Variants in IQCM observed in about 807,000 individuals in gnomAD.
The protein encoded by IQCM is IQ motif containing M.
In IQCM, 45 loss-of-function variants were observed where a neutral mutation model predicts 57.6. The ratio of observed to expected loss-of-function variants is 0.78; its 90% CI spans 0.62 to 1.00. IQCM has a LOEUF of 1.00. Among genes scored for constraint, IQCM ranks in the 50% least tolerant of loss-of-function variants. IQCM has a pLI of 0.00. For synonymous variants in IQCM, 148 were observed against 158.9 expected, an observed-to-expected ratio of 0.93 and a Z score of 0.51; for missense variants, 468 against 511.6, an observed-to-expected ratio of 0.91 and a Z score of 0.82.
intron 13 of IQCM, among the ~76,000 whole-genome samples, chr4:149,428,738 C>A (rs1490028903): frequency 6.6e-6 from 1 of 151,638 alleles, no homozygotes; most frequent in Non-Finnish European, 1.5e-5. Flanking sequence ...GTGAAGCAAA[C>A]TGAATTGCGT....
chr4:149,733,531 T>C (rs1014660431), intron 4 of IQCM, 23 bp from the exon 5 acceptor site: 2 of 1,187,816 alleles, frequency 1.7e-6, no homozygotes, highest in Non-Finnish European at 2.1e-6. Context: ...CAAAAATAGA[T>C]TTTGGCAAAA....
intron 8 of IQCM, among the ~76,000 whole-genome samples, 168 bp downstream of exon 8, chr4:149,620,961 A>G (rs1756281204): frequency 2.0e-5 from 3 of 152,224 alleles, no homozygotes; most frequent in Admixed American, 1.3e-4. Flanking sequence ...CACAAGACAC[A>G]AGAACAAAAC....
chr4:149,542,835 T>C (rs1398900539), intron 12 of IQCM, among the ~76,000 whole-genome samples: 1 of 152,136 alleles, frequency 6.6e-6, no homozygotes, highest in Non-Finnish European at 1.5e-5. Flanking sequence ...AATTATTTCA[T>C]TTAAGCCTCA....
chr4:149,575,888 G>C (rs1751600337), intron 9 of IQCM, among the ~76,000 whole-genome samples: 1 of 151,748 alleles, frequency 6.6e-6, no homozygotes, highest in Non-Finnish European at 1.5e-5. Context: ...TCTAAGGAAA[G>C]AGGGGTCTTA....
chr4:149,795,641 A>C (rs1442952959), intron 2 of IQCM, among the ~76,000 whole-genome samples: 5 of 152,174 alleles, frequency 3.3e-5, no homozygotes, highest in Non-Finnish European at 7.4e-5. Context: ...CAGGCTGCAG[A>C]GCTCCTACCT....
At chr4:149,419,998 G>A (rs923054729) in intron 13 of IQCM, among the ~76,000 whole-genome samples, 4 of 152,126 alleles carry the variant, frequency 2.6e-5, no homozygotes, top group Non-Finnish European at 5.9e-5. Flanking sequence ...ATCAACAGAT[G>A]CTGGTGAGGT....
chr4:149,603,595 C>T (rs946687289), intron 8 of IQCM, among the ~76,000 whole-genome samples: 8 of 151,830 alleles, frequency 5.3e-5, no homozygotes, highest in African/African-American at 1.9e-4. Context: ...CATGCCTTGC[C>T]TGTGGTAGAA....
intron 7 of IQCM, among the ~76,000 whole-genome samples, chr4:149,621,516 T>C (rs1487345443): frequency 6.6e-6 from 1 of 152,198 alleles, no homozygotes; most frequent in Non-Finnish European, 1.5e-5. Context: ...GTTCATTCTC[T>C]TTACTATCTC....
intron 12 of IQCM, among the ~76,000 whole-genome samples, chr4:149,502,676 A>T (rs1446297862): frequency 6.6e-6 from 1 of 151,998 alleles, no homozygotes; most frequent in African/African-American, 2.4e-5. Context: ...CCTCTCTCAA[A>T]AACCAAGCCA....
At chr4:149,594,007 G>C (rs970100856) in intron 8 of IQCM, among the ~76,000 whole-genome samples, 4 of 152,090 alleles carry the variant, frequency 2.6e-5, no homozygotes, top group Non-Finnish European at 5.9e-5. Flanking sequence ...TTTTTCTATT[G>C]ATTGGAATCG....
intron 2 of IQCM, among the ~76,000 whole-genome samples, chr4:149,746,840 C>T (rs753621555): frequency 9.5e-4 from 145 of 152,260 alleles, no homozygotes; most frequent in Non-Finnish European, 1.3e-3. Context: ...TTCGTGCCTC[C>T]CTCCTGACCT....
chr4:149,524,759 T>C (rs1240032406), intron 12 of IQCM, among the ~76,000 whole-genome samples: 2 of 151,784 alleles, frequency 1.3e-5, no homozygotes, highest in Non-Finnish European at 2.9e-5. Flanking sequence ...TTTGCAAGCT[T>C]TCAAAGGAAG....
chr4:149,780,554 A>AT (rs34380182), intron 2 of IQCM, among the ~76,000 whole-genome samples: 30 of 140,074 alleles, frequency 2.1e-4, no homozygotes, highest in African/African-American at 7.1e-4. Flanking sequence ...TATAAAACAT[A>AT]TTTTTTTCCA....
chr4:149,694,530 T>G (rs1580023185), intron 5 of IQCM, among the ~76,000 whole-genome samples: 2 of 151,604 alleles, frequency 1.3e-5, no homozygotes, highest in East Asian at 3.9e-4. Flanking sequence ...GAATCCCTAT[T>G]TCTCCCCCTC....
At chr4:149,471,806 T>G (rs970520762) in intron 12 of IQCM, among the ~76,000 whole-genome samples, 1 of 152,092 alleles carries the variant, frequency 6.6e-6, no homozygotes, top group Non-Finnish European at 1.5e-5. Flanking sequence ...GGGTTGCAAG[T>G]CTGGTGCAAA....
At chr4:149,690,924 C>T (rs1762898562) in intron 5 of IQCM, 1 of 152,126 alleles carries the variant, frequency 6.6e-6, no homozygotes, top group African/African-American at 2.4e-5. Context: ...GTGCTCTACA[C>T]TGCCCCCTGG....
intron 12 of IQCM, among the ~76,000 whole-genome samples, chr4:149,438,331 A>G (rs1334213605): frequency 6.6e-6 from 1 of 152,130 alleles, no homozygotes; most frequent in East Asian, 1.9e-4. Flanking sequence ...AATTTAATGC[A>G]TAATATTTAA....
At chr4:149,619,776 G>A (rs1756155005) in intron 8 of IQCM, among the ~76,000 whole-genome samples, 1 of 152,176 alleles carries the variant, frequency 6.6e-6, no homozygotes, top group Non-Finnish European at 1.5e-5. Flanking sequence ...TTGGAAATAA[G>A]ACCTTTAAGG....
chr4:149,574,939 G>A lies in IQCM; in HGVS notation c.750-11049C>T, dbSNP rs561670536. On this transcript the variant is annotated intron_variant, in intron 9 of 13. Coordinates refer to ENST00000636793, the MANE Select transcript of IQCM (RefSeq NM_001363507.2). The stretch of plus-strand genomic sequence containing the variant: ...CCAAGTTCAGAAATATAGTAAAAGA[G>A]ATCTGTGATGCCTCCCTCCCCCAAT... Among the ~76,000 whole-genome samples, 5 of 152,022 alleles carry A rather than the reference G, an allele frequency of 3.3e-5. No individual in the cohort carries two copies. In the South Asian group the frequency reaches 1.0e-3, roughly 32 times the overall value.
Sources: allele counts gnomAD v4.1 joint callset (sites outside exome capture counted in the v4.1 genomes callset), GRCh38; gene constraint gnomAD v4.1.1; transcripts MANE v1.5; gene names NCBI Gene and HGNC (gene_info 2026-07-23, HGNC 2026-07-21).